Variants in JMJD6 observed in about 807,000 individuals in gnomAD.
The protein encoded by JMJD6 is jumonji domain containing 6, arginine demethylase and lysine hydroxylase, also known as bifunctional arginine demethylase and lysyl-hydroxylase JMJD6.
A neutral mutation model predicts 45.8 loss-of-function variants in JMJD6; 17 were observed. The ratio of observed to expected loss-of-function variants is 0.37; its 90% CI spans 0.25 to 0.56. The LOEUF (loss-of-function observed/expected upper bound fraction) is 0.56, where lower values mean the gene tolerates loss of function less well. Among genes scored for constraint, JMJD6 ranks in the 20% least tolerant of loss-of-function variants. JMJD6 has a pLI of 0.79. For missense variants in JMJD6, 470 were observed against 517.5 expected, an observed-to-expected ratio of 0.91 and a Z score of 0.89; for synonymous variants, 221 against 196.3, an observed-to-expected ratio of 1.13 and a Z score of -1.05.
rs1266795497 is a variant in JMJD6, at chr17:76,725,662, T to C, written c.323A>G (p.Tyr108Cys). 5 of 1,613,942 alleles carry C rather than the reference T, an allele frequency of 3.1e-6. No homozygotes were observed. The highest frequency in any genetic ancestry group is 4.2e-6 in the Non-Finnish European group (5 of 1,180,018). The change falls in exon 2 of 6, where the codon TAC becomes TGC. Residue 108 changes from tyrosine to cysteine, a missense_variant. By Grantham distance (194) the Tyr-to-Cys change is radical (BLOSUM62 -2). Transcript: ENST00000397625. ...GTATTTCATCTTCATCTTCACTGAGTAGCCATCGTTATCCTCACCACACTT... is the reference window on the plus strand; with the variant it reads ...GTATTTCATCTTCATCTTCACTGAGCAGCCATCGTTATCCTCACCACACTT... ...KFKCGEDNDG[Y>C]SVKMKMKYYI...
intron 3 of JMJD6, among the ~76,000 whole-genome samples, chr17:76,723,077 C>T (rs12453973): frequency 6.6e-6 from 1 of 151,360 alleles, no homozygotes; most frequent in Admixed American, 6.6e-5. Flanking sequence ...TCCTGAGTAG[C>T]TGGGATTACA....
At chr17:76,722,476 G>GA (rs2143731296) in intron 3 of JMJD6, among the ~76,000 whole-genome samples, 1 of 152,276 alleles carries the variant, frequency 6.6e-6, no homozygotes, top group East Asian at 1.9e-4. Flanking sequence ...CAGCACTTTG[G>GA]GAGGCTGAGG....
exon 7 of JMJD6, chr17:76,712,855 T>G (rs1263583316): frequency 6.6e-6 from 1 of 152,252 alleles, no homozygotes; most frequent in Admixed American, 6.5e-5. Context: ...TGTTGCTTTA[T>G]TTAAAATGAT....
In JMJD6 at chr17:76,726,571, G is replaced by C. The variant is rs909158327; in HGVS notation, c.-96C>G. ...CCCGGCCTGGGCGGCGGCGACGGCAGTACCCAAACGCCCTTCGCTCAGTCC... is the reference window on the plus strand; with the variant it reads ...CCCGGCCTGGGCGGCGGCGACGGCACTACCCAAACGCCCTTCGCTCAGTCC... On this transcript the variant is annotated 5_prime_UTR_variant, in exon 1 of 6. Transcript: ENST00000397625. 1.7e-5 allele frequency: 25 copies of C among 1,447,944 alleles called. No individual in the cohort carries two copies. Among genetic ancestry groups the C allele is most frequent in the South Asian group, 1.5e-4 (11 of 71,912 alleles). 89.7% of individuals were successfully genotyped at this position (1,447,944 alleles called of 1,614,324 possible).
At position 76,726,571 on chromosome 17, in the gene JMJD6, G is replaced by A. The variant is rs909158327; in HGVS notation, c.-96C>T. 4 of 1,448,062 alleles carry A rather than the reference G, an allele frequency of 2.8e-6. No homozygotes were observed. The highest frequency in any genetic ancestry group is 2.4e-5 in the Admixed American group (1 of 41,438). The allele number at this position is 1,448,062 out of a possible 1,614,324, so 89.7% of individuals were successfully genotyped here. A position where few individuals can be genotyped will look rare whatever the true frequency, so the allele number is the denominator to read the frequency against. On this transcript the variant is annotated 5_prime_UTR_variant, in exon 1 of 6. Transcript: ENST00000397625. ...CCCGGCCTGGGCGGCGGCGACGGCA[G>A]TACCCAAACGCCCTTCGCTCAGTCC... is the stretch of plus-strand genomic sequence containing the variant.
Position 76,726,424 on chromosome 17 carries a change from G to T in JMJD6, c.52C>A (p.Pro18Thr). Residue 18 changes from proline to threonine, a missense_variant, in exon 1 of 6, where the codon CCG becomes ACG. Pro to Thr is a conservative substitution (Grantham distance 38). Coordinates refer to ENST00000397625, the MANE Select transcript of JMJD6 (RefSeq NM_015167.3). ...RIREAKRSAR[P>T]ELKDSLDWTR... ...CAATCCAGCGAGTCCTTGAGCTCCG[G>T]CCGCGCACTCCGCTTGGCCTCGCGG... 6.2e-7 allele frequency: 1 copy of T among 1,604,336 alleles called. No individual in the cohort carries two copies. The highest frequency in any genetic ancestry group is 8.5e-7 in the Non-Finnish European group (1 of 1,176,352).
At chr17:76,724,123 TAA>T (rs2076865193) in intron 2 of JMJD6, 65 bp from the exon 3 acceptor site, 1 of 1,549,838 alleles carries the variant, frequency 6.5e-7, no homozygotes, top group East Asian at 2.3e-5. Flanking sequence ...CACAAAACAA[TAA>T]GTTTTTAGTT....
chr17:76,724,111 C>T, intron 2 of JMJD6, 53 bp from the exon 3 acceptor site: 1 of 1,565,814 alleles, frequency 6.4e-7, no homozygotes, highest in Non-Finnish European at 8.7e-7. Context: ...ACACACATAC[C>T]ACACAAAACA....
At position 76,720,476 on chromosome 17, in the gene JMJD6, C is replaced by T. The variant is rs772343634; in HGVS notation, c.964G>A (p.Glu322Lys). The part of the protein sequence containing the change: ...WYRILKQEHP[E>K]LAVLADSVDL... ...ACCGAGTCTGCGAGGACTGCCAACT[C>T]GGGGTGCTCTTGCTTCAAAATCCTG... Residue 322 changes from glutamate to lysine, a missense_variant, in exon 5 of 6, where the codon GAG becomes AAG. Around this residue, in one of 4 missense-constraint regions of JMJD6, gnomAD observed 58 missense variants for 103.9 expected, o/e 0.56. Transcript: ENST00000397625. 30 of 1,613,966 alleles carry T rather than the reference C, an allele frequency of 1.9e-5. No individual in the cohort carries two copies. The highest frequency in any genetic ancestry group is 2.0e-5 in the Non-Finnish European group (24 of 1,180,002).
chr17:76,721,691 C>T, intron 4 of JMJD6, 107 bp downstream of exon 4: 1 of 1,295,190 alleles, frequency 7.7e-7, no homozygotes, highest in Non-Finnish European at 1.1e-6. Context: ...CCAGCTTTGC[C>T]CAGGCCTGTG....
chr17:76,726,362 G>A lies in JMJD6; in HGVS notation c.114C>T (p.Ser38=), dbSNP rs762967784. ...ACCCGCTCACCGCCACGGCCGCCGG[G>A]CTCAGCGAGAAGCTCTCGTAGTAGT... is the stretch of plus-strand genomic sequence containing the variant. ...RHNYYESFSL[S]PAAVADNVER... The change falls in exon 1 of 6, where the codon AGC becomes AGT. Residue 38 remains serine, a synonymous_variant. Transcript: ENST00000397625. The A allele has an allele frequency of 1.3e-6, 2 of 1,592,430 alleles. No individual in the cohort carries two copies. Among genetic ancestry groups the A allele is most frequent in the Middle Eastern group, 1.7e-4 (1 of 6,014 alleles).
At chr17:76,726,229 G>A (rs1357668410) in intron 1 of JMJD6, 118 bp downstream of exon 1, 3 of 1,331,158 alleles carry the variant, frequency 2.3e-6, no homozygotes, top group African/African-American at 1.6e-5. Flanking sequence ...CGGGGTGCGG[G>A]TGAGCCTCTA....
downstream of JMJD6, chr17:76,718,417 G>A: frequency 2.3e-6 from 3 of 1,290,964 alleles, no homozygotes; most frequent in South Asian, 7.3e-5. Context: ...ATAAGGGAAT[G>A]TTCTGGTATT....
At chr17:76,716,968 G>A (rs1432689972), downstream of JMJD6, among the ~76,000 whole-genome samples, 1 of 152,148 alleles carries the variant, frequency 6.6e-6, no homozygotes, top group African/African-American at 2.4e-5. Flanking sequence ...AAAGGACATC[G>A]AGGGTTGAGA....
intron 5 of JMJD6, 30 bp downstream of exon 5, chr17:76,720,330 C>CT (rs1441879117): frequency 1.2e-6 from 2 of 1,609,470 alleles, no homozygotes; most frequent in East Asian, 2.2e-5. Context: ...CTTGGAGGCT[C>CT]CAGGAGTCAG....
chr17:76,713,730 A>G (rs902392027), downstream of JMJD6: 4 of 152,242 alleles, frequency 2.6e-5, no homozygotes, highest in Non-Finnish European at 5.9e-5. Flanking sequence ...GTCTCTAGTA[A>G]GCTTATAAAG....
intron 1 of JMJD6, 30 bp from the exon 2 acceptor site, chr17:76,725,885 TAAAAAA>T: frequency 7.1e-7 from 1 of 1,403,722 alleles, no homozygotes; most frequent in Non-Finnish European, 9.5e-7. Flanking sequence ...CCTGTCCAGT[TAAAAAA>T]AAAAAAAAAG....
At chr17:76,725,381 G>C (rs2076899378) in intron 2 of JMJD6, 86 bp downstream of exon 2, 1 of 1,291,160 alleles carries the variant, frequency 7.7e-7, no homozygotes, top group African/African-American at 1.5e-5. Context: ...ACTGCAGCCT[G>C]GGCTACAAGA....
intron 4 of JMJD6, 102 bp from the exon 5 acceptor site, chr17:76,720,600 T>C: frequency 8.7e-7 from 1 of 1,144,668 alleles, no homozygotes; most frequent in Non-Finnish European, 1.3e-6. Context: ...CACCTGGGAA[T>C]GCCAGGTGTG....
Sources: gnomAD v4.1 joint callset for allele counts (sites outside exome capture counted in the v4.1 genomes callset) on GRCh38, gnomAD v4.1.1 for gene constraint, gnomAD v4.1.1 regional missense constraint, MANE v1.5 for transcripts, NCBI Gene and HGNC (gene_info 2026-07-23, HGNC 2026-07-21) for gene names.